The following TAFA2 variants were observed in gnomAD, a reference collection of about 807,000 sequenced individuals.
TAFA2 encodes the protein TAFA chemokine like family member 2.
TAFA2 carries 7 observed loss-of-function variants against 18.8 expected under a neutral mutation model. That is an observed-to-expected ratio of 0.37 (90% CI 0.21 to 0.70). The LOEUF is 0.70. Among genes scored for constraint, TAFA2 ranks in the 30% least tolerant of loss-of-function variants. The pLI is 0.53. For missense variants in TAFA2, 122 were observed against 158.1 expected (o/e 0.77, Z 1.23); for synonymous variants, 60 against 54.2 (o/e 1.11, Z -0.47).
At chr12:61,733,116 G>T (rs7489009) in intron 4 of TAFA2, among the ~76,000 whole-genome samples, 50,087 of 151,682 alleles carry the variant, frequency 0.33, 8,257 homozygotes, top group South Asian at 0.38. Flanking sequence ...TTTTGATGGG[G>T]TTGTTTGTTT....
intron 1 of TAFA2, among the ~76,000 whole-genome samples, chr12:62,015,474 C>T (rs1880905741): frequency 6.6e-6 from 1 of 152,102 alleles, no homozygotes; most frequent in African/African-American, 2.4e-5. Flanking sequence ...TAGGAAATCT[C>T]AGTAAATGGT....
At chr12:62,185,058 T>A (rs1385196920) in intron 1 of TAFA2, among the ~76,000 whole-genome samples, 2 of 152,068 alleles carry the variant, frequency 1.3e-5, no homozygotes, top group Non-Finnish European at 2.9e-5. Flanking sequence ...CAAACATACC[T>A]TCAACTAAAA....
intron 2 of TAFA2, among the ~76,000 whole-genome samples, chr12:61,838,296 G>A (rs1205185036): frequency 2.6e-5 from 4 of 151,916 alleles, no homozygotes; most frequent in Non-Finnish European, 5.9e-5. Flanking sequence ...GATCACTCCT[G>A]CCCTTAATAC....
intron 4 of TAFA2, chr12:61,720,851 A>C: frequency 2.0e-6 from 1 of 504,588 alleles, no homozygotes; most frequent in South Asian, 1.5e-5. Context: ...AGAAATCAAA[A>C]ATTGTCATCA....
At chr12:61,826,342 G>C (rs1416310497) in intron 2 of TAFA2, among the ~76,000 whole-genome samples, 1 of 151,550 alleles carries the variant, frequency 6.6e-6, no homozygotes, top group African/African-American at 2.4e-5. Context: ...GTTCATCTGT[G>C]TGTGTGTGTG....
chr12:61,799,389 T>G (rs1871313428), intron 2 of TAFA2, among the ~76,000 whole-genome samples: 1 of 152,194 alleles, frequency 6.6e-6, no homozygotes, highest in Non-Finnish European at 1.5e-5. Flanking sequence ...ATAAAAATGA[T>G]GAGAGGGGAG....
chr12:62,134,994 T>C (rs1870839179), intron 1 of TAFA2, among the ~76,000 whole-genome samples: 1 of 152,010 alleles, frequency 6.6e-6, no homozygotes, highest in African/African-American at 2.4e-5. Flanking sequence ...ACATTGTTCT[T>C]TTTCCAGAAG....
chr12:62,044,834 C>T (rs1333057109), intron 1 of TAFA2, among the ~76,000 whole-genome samples: 9 of 152,130 alleles, frequency 5.9e-5, no homozygotes, highest in African/African-American at 2.2e-4. Context: ...TGAAGGCAAA[C>T]GATCAATCTC....
chr12:61,724,483 T>A (rs544587168), intron 4 of TAFA2, among the ~76,000 whole-genome samples: 2 of 152,028 alleles, frequency 1.3e-5, no homozygotes, highest in South Asian at 4.1e-4. Context: ...TGTACACTCA[T>A]CCCCTGAAGA....
chr12:62,159,925 A>AT (rs2062395357), intron 1 of TAFA2, among the ~76,000 whole-genome samples: 1 of 151,840 alleles, frequency 6.6e-6, no homozygotes, highest in Non-Finnish European at 1.5e-5. Flanking sequence ...ATGTTCTTAG[A>AT]CTCCCCATGA....
chr12:61,849,936 G>A (rs191279089), intron 2 of TAFA2, among the ~76,000 whole-genome samples: 91 of 152,024 alleles, frequency 6.0e-4, no homozygotes, highest in African/African-American at 2.0e-3. Flanking sequence ...GAATCTATAC[G>A]CTATTAGGAC....
At chr12:62,003,963 G>A (rs550866840) in intron 1 of TAFA2, among the ~76,000 whole-genome samples, 13 of 152,102 alleles carry the variant, frequency 8.5e-5, no homozygotes, top group Admixed American at 5.2e-4. Flanking sequence ...ATATGTTACC[G>A]TCTAAAAGTT....
At chr12:62,246,124 C>G (rs997826466) in intron 1 of TAFA2, among the ~76,000 whole-genome samples, 9 of 151,806 alleles carry the variant, frequency 5.9e-5, no homozygotes, top group Admixed American at 1.3e-4. Flanking sequence ...GTAGCTGGGA[C>G]TACAGGCGCC....
chr12:61,776,670 A>T (rs567843576), intron 2 of TAFA2, among the ~76,000 whole-genome samples: 1 of 151,984 alleles, frequency 6.6e-6, no homozygotes, highest in East Asian at 2.0e-4. Flanking sequence ...TTTCTGATCT[A>T]AACTAGATGA....
At chr12:62,187,247 C>T (rs1004350320) in intron 1 of TAFA2, among the ~76,000 whole-genome samples, 1 of 151,894 alleles carries the variant, frequency 6.6e-6, no homozygotes, top group African/African-American at 2.4e-5. Flanking sequence ...CATTTGTAGC[C>T]TAGTAAATAA....
chr12:61,732,990 T>C, intron 4 of TAFA2, among the ~76,000 whole-genome samples: 1 of 152,028 alleles, frequency 6.6e-6, no homozygotes, highest in Admixed American at 6.6e-5. Flanking sequence ...CTTGGGTTAA[T>C]GAAATCCAAG....
At chr12:61,805,432 A>G (rs959532330) in intron 2 of TAFA2, among the ~76,000 whole-genome samples, 1 of 152,056 alleles carries the variant, frequency 6.6e-6, no homozygotes, top group Non-Finnish European at 1.5e-5. Context: ...CTATATTTAC[A>G]ATATATTTAT....
intron 2 of TAFA2, among the ~76,000 whole-genome samples, chr12:61,841,262 C>T (rs1450394282): frequency 6.6e-6 from 1 of 152,064 alleles, no homozygotes; most frequent in Non-Finnish European, 1.5e-5. Context: ...ACTTGAATAA[C>T]AGTGAAAATG....
intron 1 of TAFA2, among the ~76,000 whole-genome samples, chr12:62,180,769 G>T (rs2062546773): frequency 6.6e-6 from 1 of 151,802 alleles, no homozygotes; most frequent in Non-Finnish European, 1.5e-5. Flanking sequence ...CAAGAACAAT[G>T]GTATCATGGT....
Sources: allele counts gnomAD v4.1 joint callset (sites outside exome capture counted in the v4.1 genomes callset), GRCh38; gene constraint gnomAD v4.1.1; transcripts MANE v1.5; gene names NCBI Gene and HGNC (gene_info 2026-07-23, HGNC 2026-07-21).